OPCML: variants seen among roughly 807,000 people sequenced by gnomAD.
The protein encoded by OPCML is opioid binding protein/cell adhesion molecule like.
OPCML carries 13 observed loss-of-function variants against 37.8 expected under a neutral mutation model. The ratio of observed to expected loss-of-function variants is 0.34; its 90% CI spans 0.22 to 0.55. OPCML has a LOEUF of 0.55. Among genes scored for constraint, OPCML ranks in the 20% least tolerant of loss-of-function variants. OPCML has a pLI of 0.91. For synonymous variants in OPCML, 176 were observed against 168.8 expected (o/e 1.04, Z -0.33); for missense variants, 341 against 435.6 (o/e 0.78, Z 1.93).
chr11:132,711,997 G>A (rs1323420613), intron 2 of OPCML, among the ~76,000 whole-genome samples: 1 of 152,186 alleles, frequency 6.6e-6, no homozygotes, highest in Non-Finnish European at 1.5e-5. Flanking sequence ...AATTGGCAGA[G>A]CCTGCATGAA....
At chr11:132,839,944 A>G (rs1941218370) in intron 2 of OPCML, among the ~76,000 whole-genome samples, 1 of 152,146 alleles carries the variant, frequency 6.6e-6, no homozygotes. Flanking sequence ...GGCTTTGTAA[A>G]TAGCCATTTG....
intron 1 of OPCML, among the ~76,000 whole-genome samples, chr11:133,309,675 T>C (rs143457153): frequency 6.4e-4 from 98 of 152,364 alleles, no homozygotes; most frequent in African/African-American, 2.3e-3. Flanking sequence ...TATGGTTATA[T>C]AGAATGTTGA....
intron 1 of OPCML, among the ~76,000 whole-genome samples, chr11:132,996,719 T>A (rs1223244355): frequency 1.3e-5 from 2 of 152,026 alleles, no homozygotes; most frequent in East Asian, 3.9e-4. Context: ...TCTATCTCAG[T>A]AATAATTTTA....
chr11:132,638,193 A>T (rs1940642707), intron 3 of OPCML, among the ~76,000 whole-genome samples: 1 of 148,774 alleles, frequency 6.7e-6, no homozygotes, highest in Non-Finnish European at 1.5e-5. Flanking sequence ...ATATACAGAG[A>T]GAGAGAGAGC....
intron 2 of OPCML, among the ~76,000 whole-genome samples, chr11:132,706,118 T>C (rs1028459499): frequency 2.6e-5 from 4 of 152,094 alleles, no homozygotes; most frequent in African/African-American, 4.8e-5. Context: ...CATGTATTTA[T>C]TTATAGAATG....
chr11:133,068,452 C>T (rs76303829), intron 1 of OPCML, among the ~76,000 whole-genome samples: 2,611 of 152,318 alleles, frequency 0.017, 71 homozygotes, highest in African/African-American at 0.058. Flanking sequence ...GCAGTGCGGA[C>T]GCTGCCCTTC....
chr11:132,491,981 A>G (rs1374454561), intron 4 of OPCML, among the ~76,000 whole-genome samples: 1 of 149,684 alleles, frequency 6.7e-6, no homozygotes, highest in Admixed American at 6.7e-5. Context: ...TGACAGGTAA[A>G]GTGACATTTG....
chr11:133,310,115 A>C (rs758481208), intron 1 of OPCML, among the ~76,000 whole-genome samples: 7 of 152,250 alleles, frequency 4.6e-5, no homozygotes, highest in Non-Finnish European at 8.8e-5. Flanking sequence ...ATGAAGAGAA[A>C]GGAGTCTGGA....
intron 2 of OPCML, among the ~76,000 whole-genome samples, chr11:132,777,367 T>C (rs1442039182): frequency 6.6e-6 from 1 of 152,152 alleles, no homozygotes; most frequent in Admixed American, 6.5e-5. Context: ...AACATTACTT[T>C]TTTATGTCCA....
chr11:132,892,742 G>C (rs368319228), intron 2 of OPCML, among the ~76,000 whole-genome samples: 1 of 152,166 alleles, frequency 6.6e-6, no homozygotes, highest in East Asian at 1.9e-4. Context: ...ACTCCAGCCT[G>C]GGCGACAAGA....
chr11:133,395,741 A>T (rs1397972728), intron 1 of OPCML, among the ~76,000 whole-genome samples: 1 of 152,118 alleles, frequency 6.6e-6, no homozygotes, highest in Non-Finnish European at 1.5e-5. Context: ...CCATTGGTCT[A>T]TGTATCTGTT....
At chr11:132,757,462 G>C (rs371541773) in intron 2 of OPCML, among the ~76,000 whole-genome samples, 1 of 152,172 alleles carries the variant, frequency 6.6e-6, no homozygotes, top group African/African-American at 2.4e-5. Flanking sequence ...TCCAGCATCC[G>C]TTGTTTCCTG....
chr11:132,573,151 G>A (rs953232445), intron 3 of OPCML, among the ~76,000 whole-genome samples: 1 of 151,366 alleles, frequency 6.6e-6, no homozygotes, highest in Non-Finnish European at 1.5e-5. Flanking sequence ...GAATCTTTGG[G>A]ATTTCCTATA....
Position 133,199,231 on chromosome 11 carries a change from G to A in OPCML, c.62-256221C>T, listed in dbSNP as rs1173360873. Among the ~76,000 whole-genome samples, 7 of 152,240 alleles carry A rather than the reference G, an allele frequency of 4.6e-5. No homozygotes were observed. The East Asian group carries it at 1.2e-3, about 25-fold the overall frequency. On this transcript the variant is annotated intron_variant, in intron 1 of 7. Coordinates refer to ENST00000524381, the MANE Select transcript of OPCML (RefSeq NM_001012393.5). ...AGAGGGTGGCAAGAGGGAATTGTAG[G>A]TGGAGTTCTTTAGAGGATCTTACAA...
At chr11:132,769,573 T>C (rs1338430089) in intron 2 of OPCML, among the ~76,000 whole-genome samples, 1 of 152,198 alleles carries the variant, frequency 6.6e-6, no homozygotes, top group African/African-American at 2.4e-5. Context: ...AATTCTCTTT[T>C]CAATATCTGC....
chr11:133,311,730 A>G (rs73602412), intron 1 of OPCML, among the ~76,000 whole-genome samples: 7,382 of 152,304 alleles, frequency 0.048, 200 homozygotes, highest in Middle Eastern at 0.071. Context: ...TGTGGGCAGG[A>G]GTCCATTGTC....
chr11:133,250,784 A>C (rs1941106162), intron 1 of OPCML, among the ~76,000 whole-genome samples: 1 of 152,124 alleles, frequency 6.6e-6, no homozygotes, highest in African/African-American at 2.4e-5. Flanking sequence ...GAGAACAAAA[A>C]ATTTTAAGAG....
At chr11:132,506,814 A>G (rs2096257897) in intron 4 of OPCML, among the ~76,000 whole-genome samples, 1 of 152,174 alleles carries the variant, frequency 6.6e-6, no homozygotes, top group Admixed American at 6.5e-5. Flanking sequence ...CATGAAAGCT[A>G]CTAGACAGAA....
At chr11:133,188,449 A>G (rs112983321) in intron 1 of OPCML, among the ~76,000 whole-genome samples, 2,856 of 152,224 alleles carry the variant, frequency 0.019, 92 homozygotes, top group African/African-American at 0.065. Flanking sequence ...CGCGATCCAC[A>G]TTGTTACAGG....
Sources: allele counts gnomAD v4.1 joint callset (sites outside exome capture counted in the v4.1 genomes callset), GRCh38; gene constraint gnomAD v4.1.1; transcripts MANE v1.5; gene names NCBI Gene and HGNC (gene_info 2026-07-23, HGNC 2026-07-21).